FSTL4: variants seen among roughly 807,000 people sequenced by gnomAD.
FSTL4 encodes the protein follistatin like 4, also known as follistatin-related protein 4.
A neutral mutation model predicts 78.2 loss-of-function variants in FSTL4; 28 were observed. The ratio of observed to expected loss-of-function variants is 0.36; its 90% CI spans 0.27 to 0.49. The LOEUF (loss-of-function observed/expected upper bound fraction) is 0.49, where lower values mean the gene tolerates loss of function less well. FSTL4 is among the 20% of genes least tolerant of loss of function. The pLI, the probability that FSTL4 is intolerant of heterozygous loss-of-function variation, is 0.98. For synonymous variants in FSTL4, 422 were observed against 440.5 expected (o/e 0.96, Z 0.53); for missense variants, 922 against 1,084.9 (o/e 0.85, Z 2.11).
At chr5:133,581,344 C>T (rs192057041) in intron 2 of FSTL4, among the ~76,000 whole-genome samples, 2 of 152,292 alleles carry the variant, frequency 1.3e-5, no homozygotes, top group African/African-American at 4.8e-5. Flanking sequence ...CTGTTCCTCA[C>T]GTAGGATGCA....
chr5:133,459,921 TC>T (rs1757559296), intron 3 of FSTL4, among the ~76,000 whole-genome samples: 1 of 152,198 alleles, frequency 6.6e-6, no homozygotes, highest in African/African-American at 2.4e-5. Flanking sequence ...CACAGGGTCC[TC>T]CTTTGAGGTA....
chr5:133,419,872 C>T (rs972955980), intron 3 of FSTL4, among the ~76,000 whole-genome samples: 2 of 152,194 alleles, frequency 1.3e-5, no homozygotes, highest in Non-Finnish European at 2.9e-5. Context: ...TGATCTTGAA[C>T]ATCTTTTTAT....
chr5:133,798,139 C>T, the FSTL4 span, among the ~76,000 whole-genome samples: 1 of 152,228 alleles, frequency 6.6e-6, no homozygotes, highest in Non-Finnish European at 1.5e-5. Flanking sequence ...CGGGCCCATC[C>T]CAGACCCTAC....
chr5:133,817,497 G>A, the FSTL4 span, among the ~76,000 whole-genome samples: 1 of 152,198 alleles, frequency 6.6e-6, no homozygotes, highest in South Asian at 2.1e-4. Flanking sequence ...CCAAGGGCTG[G>A]GAGTCACAAA....
intron 5 of FSTL4, among the ~76,000 whole-genome samples, chr5:133,315,285 C>T (rs961302615): frequency 8.5e-5 from 13 of 152,212 alleles, no homozygotes; most frequent in African/African-American, 3.1e-4. Flanking sequence ...ACGACATTGT[C>T]TCCCAAGGTC....
intron 6 of FSTL4, among the ~76,000 whole-genome samples, chr5:133,251,628 T>G (rs1423719298): frequency 6.6e-6 from 1 of 152,156 alleles, no homozygotes; most frequent in Non-Finnish European, 1.5e-5. Context: ...GTCAGAGAGA[T>G]GGATTTGCAA....
chr5:133,542,525 ATTG>A (rs1034274578), intron 3 of FSTL4, among the ~76,000 whole-genome samples: 4 of 152,158 alleles, frequency 2.6e-5, no homozygotes, highest in Non-Finnish European at 4.4e-5. Flanking sequence ...TGAGATGAAA[ATTG>A]TTGTTGTTGG....
intron 6 of FSTL4, among the ~76,000 whole-genome samples, chr5:133,255,469 ATGGC>A (rs942703596): frequency 6.6e-6 from 1 of 152,244 alleles, no homozygotes; most frequent in African/African-American, 2.4e-5. Context: ...CACTGCAGTG[ATGGC>A]CCAAGTCAGT....
Position 133,361,532 on chromosome 5 carries a change from C to T in FSTL4, c.409+39206G>A, listed in dbSNP as rs1349603946. Among the ~76,000 whole-genome samples the T allele has an allele frequency of 1.3e-5, 2 of 152,154 alleles. No homozygotes were observed. Among genetic ancestry groups the T allele is most frequent in the South Asian group, 2.1e-4 (1 of 4,832 alleles). On this transcript the variant is annotated intron_variant, in intron 4 of 15. Coordinates refer to ENST00000265342, the MANE Select transcript of FSTL4 (RefSeq NM_015082.2). This position sits in a 1 kb window ranked among gnomAD's most constrained non-coding sequence, Gnocchi z 4.3. ...TCAGACCAGCACATCTTGGCCAAAA[C>T]GCATAGGTATCTCTTTCAGAGTCTT...
At chr5:133,606,532 T>G (rs1760981862) in intron 1 of FSTL4, among the ~76,000 whole-genome samples, 1 of 152,178 alleles carries the variant, frequency 6.6e-6, no homozygotes, top group Admixed American at 6.5e-5. Flanking sequence ...AGCGAGTGGA[T>G]TTTTGGAATT....
intron 4 of FSTL4, among the ~76,000 whole-genome samples, chr5:133,328,702 C>A (rs1329412688): frequency 6.6e-6 from 1 of 152,208 alleles, no homozygotes; most frequent in Non-Finnish European, 1.5e-5. Flanking sequence ...CCTCCTCCCA[C>A]TCTCCCTGTC....
the FSTL4 span, among the ~76,000 whole-genome samples, chr5:133,676,355 A>G: frequency 6.6e-6 from 1 of 152,234 alleles, no homozygotes; most frequent in East Asian, 1.9e-4. Flanking sequence ...GAGAAAACTC[A>G]TAACAATACC....
intron 4 of FSTL4, among the ~76,000 whole-genome samples, chr5:133,375,434 C>T (rs1755412160): frequency 6.6e-6 from 1 of 151,256 alleles, no homozygotes; most frequent in Non-Finnish European, 1.5e-5. Flanking sequence ...ATACATAATA[C>T]CTTTGTAATC....
the FSTL4 span, among the ~76,000 whole-genome samples, chr5:133,646,794 G>A: frequency 9.9e-5 from 15 of 152,192 alleles, no homozygotes; most frequent in African/African-American, 3.4e-4. Context: ...GAGAAGATAA[G>A]AAGGGGTGAG....
At chr5:133,588,158 G>A (rs1411836680) in intron 2 of FSTL4, among the ~76,000 whole-genome samples, 7 of 121,252 alleles carry the variant, frequency 5.8e-5, no homozygotes, top group African/African-American at 1.1e-4. Context: ...AGATTTAAAC[G>A]TTAGACCTAA....
At chr5:133,627,153 T>C in the FSTL4 span, among the ~76,000 whole-genome samples, 9 of 80,332 alleles carry the variant, frequency 1.1e-4, no homozygotes, top group African/African-American at 3.2e-4. Context: ...CTGTGTCTCT[T>C]TTTTTTTTTT....
At chr5:133,353,958 T>C (rs938259945) in intron 4 of FSTL4, among the ~76,000 whole-genome samples, 5 of 152,150 alleles carry the variant, frequency 3.3e-5, no homozygotes, top group Non-Finnish European at 7.4e-5. Flanking sequence ...CCAGAGTTAC[T>C]GAGACTGGGG....
At chr5:133,695,037 T>A in the FSTL4 span, among the ~76,000 whole-genome samples, 1 of 152,108 alleles carries the variant, frequency 6.6e-6, no homozygotes, top group African/African-American at 2.4e-5. Context: ...TGTTGTGGCA[T>A]CAGATGAGGG....
chr5:133,629,723 C>G, the FSTL4 span, among the ~76,000 whole-genome samples: 1 of 152,136 alleles, frequency 6.6e-6, no homozygotes, highest in Non-Finnish European at 1.5e-5. Context: ...ATATCCCTGA[C>G]GAACATCAAT....
Sources: gnomAD v4.1 joint callset for allele counts (sites outside exome capture counted in the v4.1 genomes callset) on GRCh38, gnomAD v4.1.1 for gene constraint, Gnocchi (gnomAD v3.1) non-coding constraint, MANE v1.5 for transcripts, NCBI Gene and HGNC (gene_info 2026-07-23, HGNC 2026-07-21) for gene names.